TAFA1: variants seen among roughly 807,000 people sequenced by gnomAD.
The protein encoded by TAFA1 is TAFA chemokine like family member 1.
In TAFA1, 4 loss-of-function variants were observed where a neutral mutation model predicts 18.5. That is an observed-to-expected ratio of 0.22 (90% CI 0.11 to 0.49). The LOEUF is 0.49. TAFA1 is among the 20% of genes least tolerant of loss of function. The pLI is 0.98. For synonymous variants in TAFA1, 56 were observed against 55.2 expected (o/e 1.01, Z -0.06); for missense variants, 147 against 169.0 (o/e 0.87, Z 0.72).
chr3:68,160,151 C>A (rs1032408527), intron 2 of TAFA1, among the ~76,000 whole-genome samples: 4 of 152,150 alleles, frequency 2.6e-5, no homozygotes, highest in Admixed American at 2.6e-4. Flanking sequence ...GAAACTGTGA[C>A]TGGAATAAAT....
At chr3:68,039,428 G>T (rs1033241674) in intron 2 of TAFA1, among the ~76,000 whole-genome samples, 1 of 152,084 alleles carries the variant, frequency 6.6e-6, no homozygotes, top group Admixed American at 6.6e-5. Flanking sequence ...TAATCAGTTT[G>T]AGTCTTTTTA....
chr3:67,999,781 C>T (rs7644853), upstream of TAFA1, among the ~76,000 whole-genome samples: 1,570 of 149,952 alleles, frequency 0.01, 17 homozygotes, highest in Non-Finnish European at 0.013. Flanking sequence ...GGTGGTCACC[C>T]TTATTTCTTT....
chr3:68,194,188 AGTC>A (rs1270201631), intron 2 of TAFA1, among the ~76,000 whole-genome samples: 3 of 151,842 alleles, frequency 2.0e-5, no homozygotes, highest in Admixed American at 2.0e-4. Context: ...CCAGCCTCAA[AGTC>A]AATGGGGTAG....
At chr3:68,117,729 C>T (rs950620485) in intron 2 of TAFA1, among the ~76,000 whole-genome samples, 1 of 152,150 alleles carries the variant, frequency 6.6e-6, no homozygotes, top group Non-Finnish European at 1.5e-5. Context: ...AGTGGAATCA[C>T]AGCTTAATGT....
chr3:67,996,328 A>G, the TAFA1 span, among the ~76,000 whole-genome samples: 111,764 of 152,082 alleles, frequency 0.73, 42,428 homozygotes, highest in South Asian at 0.87. Context: ...TTAAAAAATC[A>G]GACATTATAT....
At chr3:68,297,750 C>A (rs1478647858) in intron 2 of TAFA1, among the ~76,000 whole-genome samples, 2 of 149,794 alleles carry the variant, frequency 1.3e-5, no homozygotes, top group Non-Finnish European at 3.0e-5. Flanking sequence ...TTTTTTTTTA[C>A]ATTTTTGGGG....
At chr3:68,340,142 T>G (rs1050577942) in intron 2 of TAFA1, among the ~76,000 whole-genome samples, 1 of 152,246 alleles carries the variant, frequency 6.6e-6, no homozygotes, top group Non-Finnish European at 1.5e-5. Context: ...CCACTGTGTT[T>G]TTGACATACA....
chr3:68,493,529 G>C (rs969909107), intron 3 of TAFA1, among the ~76,000 whole-genome samples: 2 of 152,172 alleles, frequency 1.3e-5, no homozygotes, highest in African/African-American at 4.8e-5. Context: ...GGATCATACA[G>C]TAATTTTAAT....
chr3:68,406,901 G>A (rs776512205), intron 2 of TAFA1, among the ~76,000 whole-genome samples: 21 of 152,168 alleles, frequency 1.4e-4, no homozygotes, highest in Non-Finnish European at 2.1e-4. Flanking sequence ...ATGTATTTCC[G>A]TGGGGGTAGA....
chr3:68,178,049 C>G (rs2066147299), intron 2 of TAFA1, among the ~76,000 whole-genome samples: 1 of 152,032 alleles, frequency 6.6e-6, no homozygotes. Flanking sequence ...GAGGCTGAGG[C>G]AGGAGAATGG....
At chr3:68,095,217 T>G (rs1164591427) in intron 2 of TAFA1, among the ~76,000 whole-genome samples, 1 of 152,160 alleles carries the variant, frequency 6.6e-6, no homozygotes, top group Non-Finnish European at 1.5e-5. Context: ...ACTTACAAGT[T>G]CTCTCATTTC....
chr3:68,482,232 G>T (rs577778303), intron 3 of TAFA1, among the ~76,000 whole-genome samples: 1 of 152,212 alleles, frequency 6.6e-6, no homozygotes, highest in African/African-American at 2.4e-5. Flanking sequence ...GGATGGTTTC[G>T]ATCTGACCTC....
At chr3:68,360,344 C>T (rs2069446596) in intron 2 of TAFA1, among the ~76,000 whole-genome samples, 1 of 151,980 alleles carries the variant, frequency 6.6e-6, no homozygotes. Flanking sequence ...TGCTTATCCT[C>T]TCTAGGCTGT....
intron 3 of TAFA1, among the ~76,000 whole-genome samples, chr3:68,445,880 T>C (rs533419309): frequency 6.6e-6 from 1 of 152,184 alleles, no homozygotes; most frequent in South Asian, 2.1e-4. Flanking sequence ...CTAACATTTG[T>C]TGTTGTTGTT....
At chr3:68,156,100 A>G (rs1486370698) in intron 2 of TAFA1, among the ~76,000 whole-genome samples, 5 of 152,178 alleles carry the variant, frequency 3.3e-5, no homozygotes, top group Non-Finnish European at 7.3e-5. Context: ...GAAGAAACTA[A>G]GTGCAGTGGC....
intron 2 of TAFA1, among the ~76,000 whole-genome samples, chr3:68,204,025 A>T (rs2066498099): frequency 6.9e-6 from 1 of 145,488 alleles, no homozygotes; most frequent in East Asian, 2.1e-4. Flanking sequence ...CCCTTCAGCA[A>T]TTCATTGATT....
intron 3 of TAFA1, among the ~76,000 whole-genome samples, chr3:68,511,300 T>A (rs73837663): frequency 0.016 from 2,385 of 152,244 alleles, 50 homozygotes; most frequent in African/African-American, 0.053. Flanking sequence ...TGAAAACAAA[T>A]GTGCAAATAC....
At chr3:68,409,566 C>A (rs2010679) in intron 2 of TAFA1, among the ~76,000 whole-genome samples, 72,423 of 151,944 alleles carry the variant, frequency 0.48, 17,970 homozygotes, top group African/African-American at 0.58. Flanking sequence ...CTGAGGCCTC[C>A]CAAGTCATGC....
chr3:68,340,816 A>C (rs1288623990), intron 2 of TAFA1, among the ~76,000 whole-genome samples: 1 of 152,200 alleles, frequency 6.6e-6, no homozygotes, highest in East Asian at 1.9e-4. Context: ...TTTTTAAGTT[A>C]CAATTTAATG....
Sources: allele counts gnomAD v4.1 joint callset (sites outside exome capture counted in the v4.1 genomes callset), GRCh38; gene constraint gnomAD v4.1.1; transcripts MANE v1.5; gene names NCBI Gene and HGNC (gene_info 2026-07-23, HGNC 2026-07-21).